The following CSRNP3 variants were observed in gnomAD, a reference collection of about 807,000 sequenced individuals.
CSRNP3 encodes cysteine/serine-rich nuclear protein 3.
Under a neutral mutation model 48.0 loss-of-function variants are expected in CSRNP3, and 12 were observed. That is an observed-to-expected ratio of 0.25 (90% CI 0.16 to 0.41). The LOEUF is 0.41. Among genes scored for constraint, CSRNP3 ranks in the 10% least tolerant of loss-of-function variants. The pLI is 1.00. For missense variants in CSRNP3, 580 were observed against 724.4 expected, an observed-to-expected ratio of 0.80 and a Z score of 2.29; for synonymous variants, 263 against 269.7, an observed-to-expected ratio of 0.98 and a Z score of 0.24.
chr2:165,636,489 G>A (rs906381244), intron 4 of CSRNP3, among the ~76,000 whole-genome samples: 2 of 152,082 alleles, frequency 1.3e-5, no homozygotes, highest in Non-Finnish European at 2.9e-5. Context: ...TGATATATTT[G>A]TGTTTTTCTG....
chr2:165,492,481 A>G (rs1684227025), intron 1 of CSRNP3, among the ~76,000 whole-genome samples: 1 of 151,626 alleles, frequency 6.6e-6, no homozygotes, highest in African/African-American at 2.4e-5. Flanking sequence ...AAGAAGCCCA[A>G]ATTGTTGGTT....
intron 2 of CSRNP3, among the ~76,000 whole-genome samples, chr2:165,511,049 G>A (rs1342069427): frequency 6.6e-5 from 10 of 152,144 alleles, no homozygotes; most frequent in African/African-American, 1.7e-4. Flanking sequence ...TAGAAGCCAA[G>A]TGAAGAAATA....
At position 165,679,164 on chromosome 2, in the gene CSRNP3, G is replaced by T; in HGVS notation, c.1169G>T (p.Gly390Val). ...GAGGAGGATGACGATGATGACAAAG[G>T]AGATGGCTTCGTGGAAGGTTTGGGC... is the stretch of plus-strand genomic sequence containing the variant. ...EEEEDDDDDKGDGFVEGLGTH... is the reference protein window; with the variant it reads ...EEEEDDDDDKVDGFVEGLGTH... The change falls in exon 7 of 7, where the codon GGA becomes GTA. Residue 390 changes from glycine to valine, a missense_variant. Around this residue, in one of 4 missense-constraint regions of CSRNP3, gnomAD observed 369 missense variants for 380.8 expected, o/e 0.97. Coordinates refer to ENST00000651982, the MANE Select transcript of CSRNP3 (RefSeq NM_001172173.2). The T allele has an allele frequency of 6.2e-7, 1 of 1,613,856 alleles. No individual in the cohort carries two copies. The highest frequency in any genetic ancestry group is 8.5e-7 in the Non-Finnish European group (1 of 1,179,968).
chr2:165,572,199 A>G (rs1277748025), intron 3 of CSRNP3: 6 of 152,148 alleles, frequency 3.9e-5, no homozygotes, highest in Non-Finnish European at 8.8e-5. Context: ...GTGCTGCATT[A>G]ATGACTTAGA....
intron 3 of CSRNP3, among the ~76,000 whole-genome samples, chr2:165,570,885 T>C (rs1685363800): frequency 6.6e-6 from 1 of 151,946 alleles, no homozygotes; most frequent in Non-Finnish European, 1.5e-5. Flanking sequence ...ATTTAAGTCA[T>C]AAACATTTAT....
intron 5 of CSRNP3, among the ~76,000 whole-genome samples, chr2:165,674,799 C>A (rs972122604): frequency 6.6e-6 from 1 of 150,564 alleles, no homozygotes; most frequent in African/African-American, 2.4e-5. Flanking sequence ...GCAGCCTGAC[C>A]TCCCGGGCTC....
At chr2:165,526,449 C>G (rs1684733307) in intron 3 of CSRNP3, among the ~76,000 whole-genome samples, 1 of 152,056 alleles carries the variant, frequency 6.6e-6, no homozygotes, top group Non-Finnish European at 1.5e-5. Context: ...GGATAATTGG[C>G]AAAGGCTTGT....
At chr2:165,617,615 G>A (rs1208730286) in intron 4 of CSRNP3, among the ~76,000 whole-genome samples, 1 of 152,184 alleles carries the variant, frequency 6.6e-6, no homozygotes, top group African/African-American at 2.4e-5. Context: ...GTTGGTGCAT[G>A]CAGGCACTAG....
chr2:165,576,749 G>A (rs901042535), intron 3 of CSRNP3, among the ~76,000 whole-genome samples: 6 of 151,874 alleles, frequency 4.0e-5, no homozygotes, highest in Admixed American at 3.3e-4. Flanking sequence ...ATATCTAAAC[G>A]TATATAGAAA....
At chr2:165,576,740 T>C (rs970822323) in intron 3 of CSRNP3, among the ~76,000 whole-genome samples, 1 of 152,064 alleles carries the variant, frequency 6.6e-6, no homozygotes, top group Non-Finnish European at 1.5e-5. Context: ...GTGGTCTGAA[T>C]ATCTAAACGT....
chr2:165,612,232 A>G (rs1454924442), intron 4 of CSRNP3, among the ~76,000 whole-genome samples: 1 of 152,106 alleles, frequency 6.6e-6, no homozygotes, highest in African/African-American at 2.4e-5. Context: ...AAAATTGATT[A>G]CCTTATAATT....
At chr2:165,628,295 T>A (rs1405358407) in intron 4 of CSRNP3, among the ~76,000 whole-genome samples, 1 of 152,254 alleles carries the variant, frequency 6.6e-6, no homozygotes, top group Non-Finnish European at 1.5e-5. Context: ...TTTGTGCCTT[T>A]TTCCCCCTTT....
Position 165,679,679 on chromosome 2 carries a change from T to C in CSRNP3, c.1684T>C (p.Leu562=). The C allele has an allele frequency of 6.2e-7, 1 of 1,614,144 alleles. No individual in the cohort carries two copies. The highest frequency in any genetic ancestry group is 1.1e-5 in the South Asian group (1 of 91,084). ...TTCAGAGCATCCTGCTGAAAATTCT[T>C]TGAGCCTTGCAGAAAAGAGCATATT... ...HISEHPAENS[L]SLAEKSILHE... is the part of the protein sequence containing the mutation. The change falls in exon 7 of 7, where the codon TTG becomes CTG. Residue 562 remains leucine, a synonymous_variant. Coordinates refer to ENST00000651982, the MANE Select transcript of CSRNP3 (RefSeq NM_001172173.2).
At chr2:165,631,309 C>T (rs2105326752) in intron 4 of CSRNP3, among the ~76,000 whole-genome samples, 1 of 152,208 alleles carries the variant, frequency 6.6e-6, no homozygotes, top group African/African-American at 2.4e-5. Flanking sequence ...TTACAAGGGG[C>T]AGCTTGATGT....
intron 2 of CSRNP3, among the ~76,000 whole-genome samples, chr2:165,517,039 G>A (rs1684591031): frequency 1.3e-5 from 2 of 151,970 alleles, no homozygotes; most frequent in African/African-American, 4.8e-5. Context: ...GCCTACTGTG[G>A]AAACATAATA....
chr2:165,662,292 T>A (rs1002286942), intron 5 of CSRNP3, among the ~76,000 whole-genome samples: 3 of 152,182 alleles, frequency 2.0e-5, no homozygotes, highest in Admixed American at 6.5e-5. Context: ...ATGTATGTAT[T>A]ACCTTAGTAG....
intron 1 of CSRNP3, among the ~76,000 whole-genome samples, chr2:165,478,112 ACC>A (rs1683993175): frequency 6.6e-6 from 1 of 152,062 alleles, no homozygotes; most frequent in Non-Finnish European, 1.5e-5. Context: ...TTCATCATAG[ACC>A]CCTTCCCAAC....
At chr2:165,519,455 A>G (rs1282345880) in intron 3 of CSRNP3, among the ~76,000 whole-genome samples, 1 of 152,190 alleles carries the variant, frequency 6.6e-6, no homozygotes, top group Non-Finnish European at 1.5e-5. Context: ...GGGAATGCAG[A>G]CTCAGCTTGA....
At chr2:165,564,163 A>G (rs1410698859) in intron 3 of CSRNP3, among the ~76,000 whole-genome samples, 1 of 152,142 alleles carries the variant, frequency 6.6e-6, no homozygotes, top group Non-Finnish European at 1.5e-5. Context: ...AAATCTGTTC[A>G]TCAATCAAAG....
Sources: gnomAD v4.1 joint callset for allele counts (sites outside exome capture counted in the v4.1 genomes callset) on GRCh38, gnomAD v4.1.1 for gene constraint, gnomAD v4.1.1 regional missense constraint, MANE v1.5 for transcripts, NCBI Gene and HGNC (gene_info 2026-07-23, HGNC 2026-07-21) for gene names.